The following SP140L variants were observed in gnomAD, a reference collection of about 807,000 sequenced individuals.
SP140L encodes the protein SP140 like nuclear body protein.
In SP140L, 64 loss-of-function variants were observed where a neutral mutation model predicts 84.3. The observed-to-expected ratio is 0.76, with a 90% confidence interval of 0.62 to 0.94. The LOEUF is 0.94. Among genes scored for constraint, SP140L ranks in the 40% least tolerant of loss-of-function variants. The pLI, the probability that SP140L is intolerant of heterozygous loss-of-function variation, is 0.00. For missense variants in SP140L, 628 were observed against 692.5 expected (o/e 0.91, Z 1.05); for synonymous variants, 242 against 236.9 (o/e 1.02, Z -0.20).
intron 5 of SP140L, among the ~76,000 whole-genome samples, chr2:230,362,917 GA>G (rs2060763536): frequency 6.6e-6 from 1 of 152,060 alleles, no homozygotes; most frequent in Non-Finnish European, 1.5e-5. Flanking sequence ...ATGACTGGAG[GA>G]AATGGTGGCA....
At chr2:230,398,153 A>T (rs1440221848) in intron 14 of SP140L, among the ~76,000 whole-genome samples, 2 of 152,182 alleles carry the variant, frequency 1.3e-5, no homozygotes, top group Non-Finnish European at 2.9e-5. Context: ...ACTATGTATG[A>T]CTTGAACATT....
At chr2:230,362,709 A>AC (rs2060755714) in intron 5 of SP140L, among the ~76,000 whole-genome samples, 1 of 152,150 alleles carries the variant, frequency 6.6e-6, no homozygotes, top group East Asian at 1.9e-4. Flanking sequence ...CAGATAAGAA[A>AC]CTGAAATCTG....
In SP140L at chr2:230,359,116, T is replaced by C; in HGVS notation, c.423T>C (p.Tyr141=). The stretch of plus-strand genomic sequence containing the variant: ...AATACCCCGATTTAATTCACATTTA[T>C]AAAAGCTTCAAAAATGGTAATTAGG... The part of the protein sequence containing the change: ...MQEYPDLIHI[Y]KSFKNAIQDK... The change falls in exon 4 of 19, where the codon TAT becomes TAC. Residue 141 remains tyrosine (Y), a synonymous_variant. Coordinates refer to ENST00000415673, the MANE Select transcript of SP140L (RefSeq NM_138402.6). The C allele has an allele frequency of 6.2e-7, 1 of 1,601,892 alleles. No individual in the cohort carries two copies. The highest frequency in any genetic ancestry group is 8.5e-7 in the Non-Finnish European group (1 of 1,177,190).
At chr2:230,362,046 C>T (rs1233998940) in intron 5 of SP140L, among the ~76,000 whole-genome samples, 1 of 152,132 alleles carries the variant, frequency 6.6e-6, no homozygotes, top group African/African-American at 2.4e-5. Flanking sequence ...GCCCATGGCC[C>T]ATGGTCAACA....
Position 230,328,819 on chromosome 2 carries a change from A to C in SP140L, c.95A>C (p.Gln32Pro). The change falls in exon 2 of 19, where the codon CAA (glutamine) becomes CCA (proline). Residue 32 changes from glutamine to proline, a missense_variant. This residue lies in a region of SP140L where 525 missense variants were observed against 518.4 expected (regional missense o/e 1.01). Coordinates refer to ENST00000415673, the MANE Select transcript of SP140L (RefSeq NM_138402.6). The stretch of plus-strand genomic sequence containing the variant: ...ATGAACCATCTTCCTGCACACAGCC[A>C]AAGTCTGCAAAGGTGATGAAGAATT... ...NEMNHLPAHSQSLQRLFTEDQ... is the reference protein window; with the variant it reads ...NEMNHLPAHSPSLQRLFTEDQ... The C allele has an allele frequency of 1.2e-6, 2 of 1,610,306 alleles. No homozygotes were observed. Among genetic ancestry groups the C allele is most frequent in the Non-Finnish European group, 8.5e-7 (1 of 1,177,806 alleles).
chr2:230,378,383 C>T (rs1320230795), intron 7 of SP140L, among the ~76,000 whole-genome samples: 1 of 152,148 alleles, frequency 6.6e-6, no homozygotes, highest in Non-Finnish European at 1.5e-5. Flanking sequence ...GCCACAATGT[C>T]CATGTTCTAG....
At chr2:230,349,824 C>T (rs1157717621) in intron 2 of SP140L, among the ~76,000 whole-genome samples, 1 of 152,078 alleles carries the variant, frequency 6.6e-6, no homozygotes, top group African/African-American at 2.4e-5. Flanking sequence ...ACCTGGCCAA[C>T]ATGGCAAAAC....
chr2:230,368,097 ATTAG>A (rs888829433), intron 5 of SP140L, among the ~76,000 whole-genome samples: 4 of 152,072 alleles, frequency 2.6e-5, no homozygotes, highest in African/African-American at 9.7e-5. Context: ...TTTTTATTTT[ATTAG>A]TTAGCATCTT....
intron 4 of SP140L, among the ~76,000 whole-genome samples, chr2:230,360,410 T>C (rs1390820654): frequency 6.6e-6 from 1 of 152,236 alleles, no homozygotes; most frequent in African/African-American, 2.4e-5. Flanking sequence ...GGCAGCTATA[T>C]ATGTTTTGGC....
intron 2 of SP140L, among the ~76,000 whole-genome samples, chr2:230,344,628 C>T (rs887997423): frequency 2.0e-5 from 3 of 152,152 alleles, no homozygotes; most frequent in African/African-American, 4.8e-5. Context: ...GCGCTGTGTA[C>T]TTCAGTGTGT....
At chr2:230,373,664 G>A (rs75842135) in intron 7 of SP140L, among the ~76,000 whole-genome samples, 11,911 of 152,286 alleles carry the variant, frequency 0.078, 522 homozygotes, top group Middle Eastern at 0.15. Context: ...TATACAAGGT[G>A]ATTAATGCTA....
Position 230,357,889 on chromosome 2 carries a change from A to G in SP140L, c.192A>G (p.Ile64Met). 1 of 1,614,140 alleles carries G rather than the reference A, an allele frequency of 6.2e-7. No homozygotes were observed. The highest frequency in any genetic ancestry group is 8.5e-7 in the Non-Finnish European group (1 of 1,179,958). The change falls in exon 3 of 19, where the codon ATA becomes ATG. Residue 64 changes from isoleucine to methionine, a missense_variant. By Grantham distance (10) the Ile-to-Met change is conservative. This residue lies in a region of SP140L where 525 missense variants were observed against 518.4 expected (regional missense o/e 1.01). Transcript: ENST00000415673. ...FKHFKRHKLE[I>M]SNAIKKTFPF... ...ACTTCAAAAGACATAAGCTGGAGATATCAAATGCAATAAAAAAGACATTTC... is the reference window on the plus strand; with the variant it reads ...ACTTCAAAAGACATAAGCTGGAGATGTCAAATGCAATAAAAAAGACATTTC...
intron 7 of SP140L, among the ~76,000 whole-genome samples, chr2:230,375,644 G>A (rs1002010657): frequency 3.9e-5 from 6 of 152,094 alleles, no homozygotes; most frequent in African/African-American, 1.4e-4. Flanking sequence ...TCTCATGGAT[G>A]GTTAGTGATA....
At chr2:230,364,923 T>C (rs1382655660) in intron 5 of SP140L, among the ~76,000 whole-genome samples, 1 of 152,134 alleles carries the variant, frequency 6.6e-6, no homozygotes, top group East Asian at 1.9e-4. Flanking sequence ...TTCATTCTAT[T>C]AATGCAACGT....
At chr2:230,335,777 G>A (rs2059854565) in intron 2 of SP140L, among the ~76,000 whole-genome samples, 1 of 152,176 alleles carries the variant, frequency 6.6e-6, no homozygotes, top group African/African-American at 2.4e-5. Context: ...CTCTGCCACT[G>A]CATAGATGTG....
intron 5 of SP140L, among the ~76,000 whole-genome samples, chr2:230,363,007 C>T (rs1450526705): frequency 1.3e-5 from 2 of 152,038 alleles, no homozygotes; most frequent in African/African-American, 2.4e-5. Flanking sequence ...GGTGTAAACG[C>T]ACATAAGGAC....
intron 4 of SP140L, among the ~76,000 whole-genome samples, chr2:230,360,393 A>C (rs2060678668): frequency 6.6e-6 from 1 of 152,214 alleles, no homozygotes; most frequent in Non-Finnish European, 1.5e-5. Flanking sequence ...ACAAGGAAAA[A>C]AGTTTAGGCA....
chr2:230,384,539 G>T (rs1169862220), intron 8 of SP140L, among the ~76,000 whole-genome samples: 5 of 152,118 alleles, frequency 3.3e-5, no homozygotes. Flanking sequence ...TTCTGTTCTT[G>T]CCAGTTTAAG....
At chr2:230,347,051 T>C (rs1464002188) in intron 2 of SP140L, among the ~76,000 whole-genome samples, 1 of 152,232 alleles carries the variant, frequency 6.6e-6, no homozygotes, top group Non-Finnish European at 1.5e-5. Flanking sequence ...TAGTAGTCAG[T>C]GTTTCCTGGA....
Sources: allele counts gnomAD v4.1 joint callset (sites outside exome capture counted in the v4.1 genomes callset), GRCh38; gene constraint gnomAD v4.1.1; regional missense constraint gnomAD v4.1.1; transcripts MANE v1.5; gene names NCBI Gene and HGNC (gene_info 2026-07-23, HGNC 2026-07-21).